PPP1R36: variants seen among roughly 807,000 people sequenced by gnomAD.
PPP1R36 encodes the protein chromosome 14 open reading frame 50.
In PPP1R36, 47 loss-of-function variants were observed where a neutral mutation model predicts 53.4. The ratio of observed to expected loss-of-function variants is 0.88; its 90% CI spans 0.70 to 1.12. The LOEUF is 1.12. Among genes scored for constraint, PPP1R36 ranks in the 50% most tolerant of loss-of-function variants. PPP1R36 has a pLI of 0.00. For missense variants in PPP1R36, 456 were observed against 513.9 expected, an observed-to-expected ratio of 0.89 and a Z score of 1.09; for synonymous variants, 153 against 170.5, an observed-to-expected ratio of 0.90 and a Z score of 0.80.
intron 7 of PPP1R36, 124 bp downstream of exon 7, chr14:64,568,571 T>C (rs1277217394): frequency 2.2e-6 from 1 of 457,304 alleles, no homozygotes; most frequent in Non-Finnish European, 3.8e-6. Flanking sequence ...ACATTTTACA[T>C]GGGAAGAGTG....
At chr14:64,569,555 A>G (rs2080287169) in intron 7 of PPP1R36, among the ~76,000 whole-genome samples, 1 of 152,192 alleles carries the variant, frequency 6.6e-6, no homozygotes, top group Non-Finnish European at 1.5e-5. Context: ...AAATGTTTCT[A>G]TGGTAGCAAG....
intron 3 of PPP1R36, among the ~76,000 whole-genome samples, chr14:64,556,878 GATCTTA>G (rs1170763489): frequency 6.6e-6 from 1 of 151,946 alleles, no homozygotes; most frequent in Non-Finnish European, 1.5e-5. Flanking sequence ...GCCGTGGCAT[GATCTTA>G]GCTCGGTGCA....
At chr14:64,574,689 T>A in intron 8 of PPP1R36, 100 bp downstream of exon 8, 3 of 1,318,376 alleles carry the variant, frequency 2.3e-6, no homozygotes, top group South Asian at 1.4e-5. Context: ...AAAATGTTCC[T>A]TTTTCTGTTG....
intron 3 of PPP1R36, among the ~76,000 whole-genome samples, chr14:64,560,453 A>AG (rs2080197683): frequency 6.6e-6 from 1 of 151,756 alleles, no homozygotes; most frequent in African/African-American, 2.4e-5. Context: ...AAAAAAAAAA[A>AG]AAAAGAAAGA....
rs963063813 is a variant in PPP1R36 at position 64,560,500 on chromosome 14, A to G, written c.183-4251A>G. 1.4e-4 allele frequency among the ~76,000 whole-genome samples: 22 copies of G among 152,022 alleles called. 1 individual carries two copies. Among genetic ancestry groups the G allele is most frequent in the African/African-American group, 4.8e-4 (20 of 41,474 alleles). The stretch of plus-strand genomic sequence containing the variant: ...AAGATGGAAAATTGTTTGCGGGGAG[A>G]TAAGACTGGAGGCAAGGAGATCAGT... On this transcript the variant is annotated intron_variant, in intron 3 of 11. Coordinates refer to ENST00000298705, the MANE Select transcript of PPP1R36 (RefSeq NM_172365.3).
At position 64,583,072 on chromosome 14, in the gene PPP1R36, TA is replaced by T. The variant is rs201998823; in HGVS notation, c.669-3764del. ...ACTCCCAGCTATATATATATATATA[TA>T]TATTTTTTTTTTGTATTTTTGTAGA... On this transcript the variant is annotated intron_variant, in intron 8 of 11. Coordinates refer to ENST00000298705, the MANE Select transcript of PPP1R36 (RefSeq NM_172365.3). 3.2e-3 allele frequency among the ~76,000 whole-genome samples: 416 copies of T among 131,446 alleles called. 2 individuals carry two copies. The highest frequency in any genetic ancestry group is 6.4e-3 in the African/African-American group (243 of 38,134). The allele number at this position is 131,446 out of a possible 152,430, so 86.2% of individuals were successfully genotyped here. A position where few individuals can be genotyped will look rare whatever the true frequency, so the allele number is the denominator to read the frequency against.
chr14:64,552,484 A>G lies in PPP1R36; in HGVS notation c.135-330A>G, dbSNP rs932058970. Reference sequence around the variant, plus strand: ...AGCCTGGGCGACAGAGAGAGACTCCATCTCAAAAATAAATAAATAAATAAC... The same window carrying G: ...AGCCTGGGCGACAGAGAGAGACTCCGTCTCAAAAATAAATAAATAAATAAC... On this transcript the variant is annotated intron_variant, in intron 2 of 11. Transcript: ENST00000298705. Among the ~76,000 whole-genome samples the G allele has an allele frequency of 2.6e-5, 4 of 151,474 alleles. 1 individual carries two copies. In the South Asian group the frequency reaches 6.2e-4, roughly 24 times the overall value.
chr14:64,570,206 G>A (rs974523658), intron 7 of PPP1R36, among the ~76,000 whole-genome samples: 5 of 152,080 alleles, frequency 3.3e-5, no homozygotes, highest in Admixed American at 6.5e-5. Context: ...GATTTTGGCC[G>A]GGCACGGTGG....
Position 64,588,147 on chromosome 14 carries a change from A to G in PPP1R36, c.934A>G (p.Met312Val), listed in dbSNP as rs369686834. 5.6e-6 allele frequency: 9 copies of G among 1,611,304 alleles called. No homozygotes were observed. Among genetic ancestry groups the G allele is most frequent in the Non-Finnish European group, 7.6e-6 (9 of 1,178,452 alleles). The change falls in exon 11 of 12, where the codon ATG becomes GTG. Residue 312 changes from methionine to valine, a missense_variant. By Grantham distance (21) the Met-to-Val change is conservative (BLOSUM62 1). Coordinates refer to ENST00000298705, the MANE Select transcript of PPP1R36 (RefSeq NM_172365.3). ...KRPAIKKAIN[M>V]RSPVMSTLLP... ...CCCAGCAATTAAAAAAGCTATCAAC[A>G]TGCGTTCTCCAGTCATGTCTACTCT... is the stretch of plus-strand genomic sequence containing the variant.
chr14:64,586,592 G>C, intron 8 of PPP1R36: 1 of 361,782 alleles, frequency 2.8e-6, no homozygotes, highest in Admixed American at 4.5e-5. Flanking sequence ...TTCCTCACTG[G>C]TTTGTTTACC....
rs763690157 is a variant in PPP1R36 at position 64,565,386 on chromosome 14, A to T, written c.299A>T (p.Asp100Val). The T allele has an allele frequency of 6.2e-7, 1 of 1,613,400 alleles. No homozygotes were observed. Among genetic ancestry groups the T allele is most frequent in the Non-Finnish European group, 8.5e-7 (1 of 1,179,490 alleles). ...RLTDKRLAAK[D>V]DKSAKAVEKR... ...ACAGATAAAAGACTTGCTGCAAAAG[A>T]TGATAAGTCAGCTAAAGCTGTAGAG... Residue 100 changes from aspartate to valine, a missense_variant, in exon 5 of 12, where the codon GAT becomes GTT. Asp to Val is a radical substitution (Grantham distance 152). Coordinates refer to ENST00000298705, the MANE Select transcript of PPP1R36 (RefSeq NM_172365.3).
At chr14:64,555,905 C>A (rs1239303053) in intron 3 of PPP1R36, among the ~76,000 whole-genome samples, 1 of 152,096 alleles carries the variant, frequency 6.6e-6, no homozygotes, top group Non-Finnish European at 1.5e-5. Context: ...CATTTCATAT[C>A]TTTTTCCTCA....
intron 6 of PPP1R36, among the ~76,000 whole-genome samples, chr14:64,566,440 CT>C (rs2080257216): frequency 3.5e-5 from 2 of 57,160 alleles, no homozygotes; most frequent in Non-Finnish European, 3.9e-5. Flanking sequence ...AAGACTCCCT[CT>C]CAAAAAAAAA....
At chr14:64,580,960 C>T (rs953940893) in intron 8 of PPP1R36, among the ~76,000 whole-genome samples, 27 of 152,152 alleles carry the variant, frequency 1.8e-4, no homozygotes, top group Admixed American at 1.3e-4. Flanking sequence ...GAAACATCCA[C>T]ACCGTGGTTT....
At chr14:64,575,596 T>C (rs2080335359) in intron 8 of PPP1R36, among the ~76,000 whole-genome samples, 1 of 152,214 alleles carries the variant, frequency 6.6e-6, no homozygotes, top group Non-Finnish European at 1.5e-5. Flanking sequence ...AGCCACAGTT[T>C]TGTAGCTCTT....
intron 3 of PPP1R36, among the ~76,000 whole-genome samples, chr14:64,563,706 G>T (rs964218928): frequency 1.3e-5 from 2 of 152,162 alleles, no homozygotes; most frequent in Admixed American, 1.3e-4. Flanking sequence ...CATATTTAGA[G>T]AATGAATAAA....
intron 5 of PPP1R36, 41 bp downstream of exon 5, chr14:64,565,495 G>T: frequency 6.8e-7 from 1 of 1,474,090 alleles, no homozygotes; most frequent in Non-Finnish European, 9.5e-7. Context: ...ACATACATCT[G>T]TACATACATA....
chr14:64,577,694 T>G (rs1256700834), intron 8 of PPP1R36, among the ~76,000 whole-genome samples: 1 of 151,998 alleles, frequency 6.6e-6, no homozygotes, highest in Non-Finnish European at 1.5e-5. Context: ...ATCATAGCAT[T>G]TTTAAGCTTT....
chr14:64,561,355 C>T (rs1376217023), intron 3 of PPP1R36, among the ~76,000 whole-genome samples: 1 of 152,204 alleles, frequency 6.6e-6, no homozygotes, highest in African/African-American at 2.4e-5. Context: ...TCATAGGCAA[C>T]TCTTGCCTTA....
Sources: allele counts gnomAD v4.1 joint callset (sites outside exome capture counted in the v4.1 genomes callset), GRCh38; gene constraint gnomAD v4.1.1; transcripts MANE v1.5; gene names NCBI Gene and HGNC (gene_info 2026-07-23, HGNC 2026-07-21).